Variants in THADA observed in about 807,000 individuals in gnomAD.
THADA encodes the protein tRNA (32-2'-O)-methyltransferase regulator THADA.
In THADA, 213 loss-of-function variants were observed where a neutral mutation model predicts 219.8. The ratio of observed to expected loss-of-function variants is 0.97; its 90% CI spans 0.87 to 1.09. The LOEUF is 1.09. Ranked by LOEUF, THADA falls within the 50% of genes least tolerant of loss-of-function variation. THADA has a pLI of 0.00. For missense variants in THADA, 2,956 were observed against 2,311.3 expected, an observed-to-expected ratio of 1.28 and a Z score of -5.72; for synonymous variants, 1,018 against 828.9, an observed-to-expected ratio of 1.23 and a Z score of -3.92.
chr2:43,423,051 C>T (rs1204434027), intron 28 of THADA, among the ~76,000 whole-genome samples: 2 of 152,148 alleles, frequency 1.3e-5, no homozygotes, highest in African/African-American at 2.4e-5. Context: ...TTGCCCAATG[C>T]CCAATTTAAG....
In THADA at chr2:43,577,212, A is replaced by C; in HGVS notation, c.847T>G (p.Cys283Gly). 1.3e-6 allele frequency: 2 copies of C among 1,599,488 alleles called. No individual in the cohort carries two copies. The highest frequency in any genetic ancestry group is 1.7e-6 in the Non-Finnish European group (2 of 1,173,208). The change falls in exon 10 of 38, where the codon TGC (cysteine) becomes GGC (glycine). Residue 283 changes from cysteine (C) to glycine (G), a missense_variant. Physicochemically the swap from Cys to Gly is radical, Grantham distance 159 (BLOSUM62 -3). Transcript: ENST00000405975. ...ATAAACCACTCGGGGACACTGGTGC[A>C]GTCCACTGAACGAAGCAGCACACTG... Reference protein sequence around the residue: ...ISSVLLRSVDCTSVPEWFMSS... With the variant: ...ISSVLLRSVDGTSVPEWFMSS...
At chr2:43,421,700 G>C (rs11899893) in intron 28 of THADA, among the ~76,000 whole-genome samples, 2,850 of 152,252 alleles carry the variant, frequency 0.019, 43 homozygotes, top group African/African-American at 0.047. Context: ...CACAAAAAAA[G>C]GTAATTAAAT....
chr2:43,346,084 C>A (rs149472670), intron 29 of THADA, among the ~76,000 whole-genome samples: 1 of 151,798 alleles, frequency 6.6e-6, no homozygotes, highest in African/African-American at 2.4e-5. Flanking sequence ...GCCAGGTACG[C>A]TGAAAAGAAC....
At chr2:43,317,037 A>T (rs1393172680) in intron 31 of THADA, among the ~76,000 whole-genome samples, 1 of 152,240 alleles carries the variant, frequency 6.6e-6, no homozygotes, top group Non-Finnish European at 1.5e-5. Context: ...CCACTCTAAG[A>T]TATAGATCTT....
chr2:43,445,461 T>C (rs1681402494), intron 26 of THADA, among the ~76,000 whole-genome samples: 1 of 152,158 alleles, frequency 6.6e-6, no homozygotes, highest in African/African-American at 2.4e-5. Flanking sequence ...AAAAGAGATG[T>C]CAGGAGTCCC....
intron 20 of THADA, among the ~76,000 whole-genome samples, chr2:43,543,765 A>G (rs1399165370): frequency 2.0e-5 from 3 of 152,100 alleles, no homozygotes; most frequent in African/African-American, 2.4e-5. Flanking sequence ...TAGATTCTGC[A>G]TATTAGCCCT....
chr2:43,275,826 G>C (rs1672671266), intron 36 of THADA, among the ~76,000 whole-genome samples: 1 of 152,186 alleles, frequency 6.6e-6, no homozygotes, highest in African/African-American at 2.4e-5. Flanking sequence ...CTCTCATCCA[G>C]AACTCTGCCT....
chr2:43,479,812 T>C (rs996765295), intron 26 of THADA, among the ~76,000 whole-genome samples: 20 of 152,296 alleles, frequency 1.3e-4, no homozygotes, highest in Admixed American at 3.3e-4. Flanking sequence ...GAGGGGCTCA[T>C]TGAGGTAAAT....
In THADA at chr2:43,289,359, T is replaced by C. The variant is rs75880043; in HGVS notation, c.5011-2298A>G. ...AAAATGTAACTAATGATTCCTTTGA[T>C]CATCTATGGGCATCTACGCAACTAA... On this transcript the variant is annotated intron_variant, in intron 34 of 37. Coordinates refer to ENST00000405975, the MANE Select transcript of THADA (RefSeq NM_022065.5). Among the ~76,000 whole-genome samples the C allele has an allele frequency of 4.6e-3, 708 of 152,354 alleles. 16 individuals are homozygous for C. The highest frequency in any genetic ancestry group is 0.042 in the East Asian group (218 of 5,190).
intron 31 of THADA, among the ~76,000 whole-genome samples, chr2:43,299,075 A>G (rs1400887544): frequency 1.3e-5 from 2 of 152,168 alleles, no homozygotes; most frequent in Non-Finnish European, 1.5e-5. Flanking sequence ...AGGGAAAAAT[A>G]AGATCACCTT....
intron 26 of THADA, among the ~76,000 whole-genome samples, chr2:43,464,974 C>T (rs571274576): frequency 2.0e-5 from 3 of 152,092 alleles, no homozygotes; most frequent in African/African-American, 7.2e-5. Context: ...ACCCTGCCGG[C>T]AAAGACCCAG....
chr2:43,377,204 T>C (rs1294443546), intron 29 of THADA, among the ~76,000 whole-genome samples: 2 of 152,192 alleles, frequency 1.3e-5, no homozygotes, highest in Non-Finnish European at 2.9e-5. Flanking sequence ...TTGTTTAGAA[T>C]TGTTTAGAGT....
At chr2:43,248,420 T>C (rs1669483676) in intron 36 of THADA, among the ~76,000 whole-genome samples, 1 of 151,826 alleles carries the variant, frequency 6.6e-6, no homozygotes, top group South Asian at 2.1e-4. Context: ...TTAGTACAGA[T>C]GGGGTTTTGC....
At chr2:43,276,574 C>T (rs944011177) in intron 36 of THADA, among the ~76,000 whole-genome samples, 4 of 152,142 alleles carry the variant, frequency 2.6e-5, no homozygotes, top group Non-Finnish European at 4.4e-5. Flanking sequence ...CCAGAAAGTG[C>T]CCGTGGGGAC....
At chr2:43,519,463 GATA>G (rs1185336951) in intron 22 of THADA, among the ~76,000 whole-genome samples, 10 of 152,122 alleles carry the variant, frequency 6.6e-5, no homozygotes, top group Admixed American at 6.5e-4. Context: ...ATATAGAGAA[GATA>G]ATGACTCTAA....
chr2:43,448,953 C>A (rs1681949093), intron 26 of THADA, among the ~76,000 whole-genome samples: 1 of 152,040 alleles, frequency 6.6e-6, no homozygotes, highest in Non-Finnish European at 1.5e-5. Flanking sequence ...GGAAAGATAG[C>A]CAATTCAAAG....
chr2:43,535,384 A>G (rs1558927849), intron 21 of THADA, among the ~76,000 whole-genome samples: 1 of 151,720 alleles, frequency 6.6e-6, no homozygotes, highest in Non-Finnish European at 1.5e-5. Flanking sequence ...TCTTATTTAT[A>G]AAAATGTTTT....
At chr2:43,326,622 A>G (rs961160354) in intron 30 of THADA, among the ~76,000 whole-genome samples, 14 of 152,206 alleles carry the variant, frequency 9.2e-5, no homozygotes, top group African/African-American at 3.4e-4. Flanking sequence ...TGAACTGCCA[A>G]GACTAGAAAG....
chr2:43,537,517 A>C (rs1694761001), intron 21 of THADA, among the ~76,000 whole-genome samples: 1 of 152,252 alleles, frequency 6.6e-6, no homozygotes, highest in Admixed American at 6.5e-5. Flanking sequence ...ACTTTGGCAA[A>C]AGAAAATACA....
Sources: allele counts gnomAD v4.1 joint callset (sites outside exome capture counted in the v4.1 genomes callset), GRCh38; gene constraint gnomAD v4.1.1; transcripts MANE v1.5; gene names NCBI Gene and HGNC (gene_info 2026-07-23, HGNC 2026-07-21).